AUTS2: variants seen among roughly 807,000 people sequenced by gnomAD.
AUTS2 encodes the protein autism susceptibility gene 2 protein.
A neutral mutation model predicts 112.4 loss-of-function variants in AUTS2; 17 were observed. The observed-to-expected ratio is 0.15, with a 90% CI of 0.10 to 0.23. The LOEUF (loss-of-function observed/expected upper bound fraction) is 0.23. AUTS2 is among the 10% of genes least tolerant of loss of function. AUTS2 has a pLI of 1.00. For synonymous variants in AUTS2, 751 were observed against 702.7 expected (o/e 1.07, Z -1.09); for missense variants, 1,510 against 1,701.6 (o/e 0.89, Z 1.98).
chr7:70,166,786 A>G lies in AUTS2; in HGVS notation c.660+32215A>G, dbSNP rs1808405877. Among the ~76,000 whole-genome samples, 3 of 152,202 alleles carry G rather than the reference A, an allele frequency of 2.0e-5. No homozygotes were observed. In the South Asian group the frequency reaches 6.2e-4, roughly 32 times the overall value. On this transcript the variant is annotated intron_variant, in intron 4 of 18. Coordinates refer to ENST00000342771, the MANE Select transcript of AUTS2 (RefSeq NM_015570.4). The stretch of plus-strand genomic sequence containing the variant: ...ATCATCCTTAGCAATAATTACACTA[A>G]ATATAATTGGTCAGTTAAAAAGCAG...
At chr7:70,089,702 T>G (rs1390885093) in intron 2 of AUTS2, among the ~76,000 whole-genome samples, 1 of 152,142 alleles carries the variant, frequency 6.6e-6, no homozygotes, top group Non-Finnish European at 1.5e-5. Context: ...TTGTGCCTTT[T>G]AAAAATCAGT....
At chr7:70,037,540 T>C (rs969234966) in intron 2 of AUTS2, among the ~76,000 whole-genome samples, 2 of 152,234 alleles carry the variant, frequency 1.3e-5, no homozygotes, top group African/African-American at 4.8e-5. Context: ...AATAATTTTA[T>C]TTAAAAATAT....
At chr7:70,221,220 A>G (rs1811469258) in intron 4 of AUTS2, among the ~76,000 whole-genome samples, 1 of 152,164 alleles carries the variant, frequency 6.6e-6, no homozygotes. Context: ...TTTATTATAT[A>G]TCTGTCCTTC....
intron 1 of AUTS2, among the ~76,000 whole-genome samples, chr7:69,789,204 C>A (rs1030890536): frequency 2.0e-5 from 3 of 152,096 alleles, no homozygotes; most frequent in African/African-American, 7.2e-5. Context: ...CTTGTGTGGA[C>A]AATTTCCATT....
chr7:69,833,562 G>T (rs1248751940), intron 1 of AUTS2, among the ~76,000 whole-genome samples: 2 of 152,102 alleles, frequency 1.3e-5, no homozygotes, highest in African/African-American at 4.8e-5. Flanking sequence ...AGCCTCCTGA[G>T]TAGCTGGGAT....
chr7:70,134,397 AGATGACAAGGGGCAGCATACACT>A, intron 3 of AUTS2, 116 bp from the exon 4 acceptor site: 1 of 689,686 alleles, frequency 1.4e-6, no homozygotes, highest in Non-Finnish European at 2.6e-6. Context: ...TATCAGTAGC[AGATGACAAGGGGCAGCATACACT>A]GGTGATGTGA....
In AUTS2 at chr7:70,639,396, G is replaced by GC. The variant is rs918535294; in HGVS notation, c.691-59172dup. 2.4e-4 allele frequency among the ~76,000 whole-genome samples: 37 copies of GC among 151,768 alleles called. 1 individual carries two copies. The highest frequency in any genetic ancestry group is 8.7e-4 in the African/African-American group (36 of 41,286). On this transcript the variant is annotated intron_variant, in intron 5 of 18. Transcript: ENST00000342771. The stretch of plus-strand genomic sequence containing the variant: ...AAGACCAGCTCAAAGGAAACAGGGA[G>GC]CTTGGGCCCAGGAGTTTGAGACCAG...
chr7:70,636,397 A>G (rs1034602789), intron 5 of AUTS2, among the ~76,000 whole-genome samples: 3 of 152,162 alleles, frequency 2.0e-5, no homozygotes, highest in African/African-American at 7.2e-5. Flanking sequence ...CAATACCTTC[A>G]TATTGACCAC....
At chr7:69,830,302 T>C (rs1008429619) in intron 1 of AUTS2, among the ~76,000 whole-genome samples, 1 of 152,046 alleles carries the variant, frequency 6.6e-6, no homozygotes, top group Non-Finnish European at 1.5e-5. Flanking sequence ...AAAACCTAGA[T>C]GATGGGTTGA....
intron 4 of AUTS2, among the ~76,000 whole-genome samples, chr7:70,173,517 T>C (rs1459830038): frequency 1.3e-5 from 2 of 152,230 alleles, no homozygotes; most frequent in African/African-American, 4.8e-5. Flanking sequence ...TAGCATGTAC[T>C]TCTCTTTTAT....
intron 1 of AUTS2, among the ~76,000 whole-genome samples, chr7:69,738,094 G>A (rs1787110846): frequency 6.6e-6 from 1 of 152,012 alleles, no homozygotes; most frequent in Non-Finnish European, 1.5e-5. Context: ...TGCTAAGCCA[G>A]GAGTCAGAAA....
At chr7:69,697,497 G>A (rs574943858) in intron 1 of AUTS2, among the ~76,000 whole-genome samples, 3 of 152,258 alleles carry the variant, frequency 2.0e-5, no homozygotes, top group South Asian at 4.1e-4. Flanking sequence ...GTGATGTCAG[G>A]GGTAGGCTTT....
At position 69,964,537 on chromosome 7, in the gene AUTS2, T is replaced by TA. The variant is rs1007997481; in HGVS notation, c.522+65043dup. The stretch of plus-strand genomic sequence containing the variant: ...GGGGAATTTGTTATCTCTTTTTGCA[T>TA]AAAAGGGGTCCTCGGTTTTCGTGAA... On this transcript the variant is annotated intron_variant, in intron 2 of 18. Coordinates refer to ENST00000342771, the MANE Select transcript of AUTS2 (RefSeq NM_015570.4). 6.6e-4 allele frequency among the ~76,000 whole-genome samples: 101 copies of TA among 152,272 alleles called. No homozygotes were observed. In the Middle Eastern group the frequency reaches 0.027, roughly 41 times the overall value.
chr7:70,166,261 ATTTAT>A (rs1235334055), intron 4 of AUTS2, among the ~76,000 whole-genome samples: 4 of 152,186 alleles, frequency 2.6e-5, no homozygotes, highest in Non-Finnish European at 5.9e-5. Context: ...TGAGCAAATA[ATTTAT>A]TTTAAGGGTT....
In AUTS2 at chr7:69,813,379, A is replaced by C. The variant is rs138757565; in HGVS notation, c.310-85907A>C. 3.0e-3 allele frequency among the ~76,000 whole-genome samples: 451 copies of C among 152,244 alleles called. 5 individuals are homozygous for C. Among genetic ancestry groups the C allele is most frequent in the African/African-American group, 0.011 (437 of 41,536 alleles). On this transcript the variant is annotated intron_variant, in intron 1 of 18. Transcript: ENST00000342771. ...AATTGTGAATAAGCATTGCCCAGAG[A>C]TTCTAGCACATTTGGAAAAAGAGAG...
rs182432456 is a variant in AUTS2 at position 70,249,822 on chromosome 7, A to G, written c.660+115251A>G. Among the ~76,000 whole-genome samples the G allele has an allele frequency of 1.7e-3, 265 of 151,678 alleles. 1 individual carries two copies. Among genetic ancestry groups the G allele is most frequent in the African/African-American group, 5.9e-3 (243 of 41,424 alleles). ...GACATAAAAATTTCAAGTTGGGTCC[A>G]TTTGTTCTTGCATCAAATTATGTTT... is the stretch of plus-strand genomic sequence containing the variant. On this transcript the variant is annotated intron_variant, in intron 4 of 18. Transcript: ENST00000342771.
intron 2 of AUTS2, among the ~76,000 whole-genome samples, chr7:70,089,880 G>C (rs1360973886): frequency 6.6e-6 from 1 of 151,942 alleles, no homozygotes; most frequent in Non-Finnish European, 1.5e-5. Flanking sequence ...GGTGGTAGGC[G>C]CCTGTAGTCC....
intron 1 of AUTS2, among the ~76,000 whole-genome samples, chr7:69,727,850 T>C (rs1786593125): frequency 6.6e-6 from 1 of 152,156 alleles, no homozygotes; most frequent in South Asian, 2.1e-4. Flanking sequence ...AATTGTCCAG[T>C]TCTTAAAAAG....
At chr7:69,974,849 G>A (rs911951926) in intron 2 of AUTS2, among the ~76,000 whole-genome samples, 7 of 151,796 alleles carry the variant, frequency 4.6e-5, no homozygotes, top group Admixed American at 6.6e-5. Context: ...TTTAATTTTT[G>A]CTGCCTATAT....
Sources: gnomAD v4.1 joint callset for allele counts (sites outside exome capture counted in the v4.1 genomes callset) on GRCh38, gnomAD v4.1.1 for gene constraint, MANE v1.5 for transcripts, NCBI Gene and HGNC (gene_info 2026-07-23, HGNC 2026-07-21) for gene names.